The following UGGT2 variants were observed in gnomAD, a reference collection of about 807,000 sequenced individuals.
UGGT2 encodes UDP-glucose glycoprotein glucosyltransferase 2, also known as UDP-glucose:glycoprotein glucosyltransferase 2.
In UGGT2, 180 loss-of-function variants were observed where a neutral mutation model predicts 192.1. The ratio of observed to expected loss-of-function variants is 0.94; its 90% confidence interval spans 0.83 to 1.06. The LOEUF is 1.06. Among genes scored for constraint, UGGT2 ranks in the 50% least tolerant of loss-of-function variants. The pLI, the probability that UGGT2 is intolerant of heterozygous loss-of-function variation, is 0.00. For missense variants in UGGT2, 1,849 were observed against 1,795.7 expected (o/e 1.03, Z -0.54); for synonymous variants, 580 against 591.0 (o/e 0.98, Z 0.27).
At chr13:96,043,925 AATACT>A (rs2053234571) in intron 1 of UGGT2, among the ~76,000 whole-genome samples, 1 of 152,194 alleles carries the variant, frequency 6.6e-6, no homozygotes, top group Non-Finnish European at 1.5e-5. Context: ...TGGAGACTTC[AATACT>A]GCACTGATAG....
intron 4 of UGGT2, among the ~76,000 whole-genome samples, chr13:96,019,134 G>T (rs868184209): frequency 1.1e-4 from 13 of 121,850 alleles, no homozygotes; most frequent in African/African-American, 2.8e-4. Flanking sequence ...GGGGGGGGGG[G>T]GGGGAATGTT....
intron 34 of UGGT2, among the ~76,000 whole-genome samples, chr13:95,855,705 G>C (rs576000785): frequency 1.5e-3 from 233 of 152,150 alleles, no homozygotes; most frequent in Non-Finnish European, 2.8e-3. Context: ...TTTTCCTTAA[G>C]AGATAGAGTG....
intron 15 of UGGT2, among the ~76,000 whole-genome samples, chr13:95,946,292 A>G (rs982702245): frequency 3.9e-5 from 6 of 152,198 alleles, no homozygotes; most frequent in African/African-American, 1.4e-4. Context: ...TTTGCTGTCA[A>G]TAAATGACTT....
intron 1 of UGGT2, among the ~76,000 whole-genome samples, chr13:96,042,971 C>T (rs1360165645): frequency 1.3e-5 from 2 of 152,128 alleles, no homozygotes; most frequent in South Asian, 2.1e-4. Flanking sequence ...CTTCCCCACC[C>T]TTTCTAGAGA....
Position 95,867,356 on chromosome 13 carries a change from T to A in UGGT2, c.3541A>T (p.Lys1181Ter). 1 of 1,608,496 alleles carries A rather than the reference T, an allele frequency of 6.2e-7. No homozygotes were observed. The highest frequency in any genetic ancestry group is 8.5e-7 in the Non-Finnish European group (1 of 1,177,970). ...CCACATACTTTTACTTTGAGTATCT[T>A]GCTTTTGAAGCTGTTTAATACAACA... Reference protein sequence around the residue: ...IIVVLNSFKSKILKVKVKKET... With the variant: ...IIVVLNSFKS Residue 1181 changes from lysine (K) to a stop codon, truncating the protein, a stop_gained, in exon 30 of 39, where the codon AAG becomes TAG. Transcript: ENST00000376747. LOFTEE classifies it high-confidence loss of function.
intron 38 of UGGT2, among the ~76,000 whole-genome samples, chr13:95,821,027 T>C (rs975126748): frequency 2.0e-5 from 3 of 152,188 alleles, no homozygotes; most frequent in Admixed American, 6.6e-5. Flanking sequence ...TTCTTTGCAA[T>C]TGTGAAATGT....
chr13:95,881,042 C>T (rs1047312441), intron 27 of UGGT2, among the ~76,000 whole-genome samples: 10 of 152,046 alleles, frequency 6.6e-5, no homozygotes, highest in Admixed American at 4.6e-4. Flanking sequence ...GGCGTGGCAG[C>T]GGGCGCCTGC....
chr13:95,952,484 C>T (rs200614265), intron 12 of UGGT2, among the ~76,000 whole-genome samples: 2 of 152,140 alleles, frequency 1.3e-5, no homozygotes, highest in East Asian at 1.9e-4. Flanking sequence ...CTAGATTACA[C>T]GTAATGCCTA....
chr13:95,864,947 A>G (rs1045739458), intron 30 of UGGT2, among the ~76,000 whole-genome samples: 5 of 152,366 alleles, frequency 3.3e-5, no homozygotes, highest in African/African-American at 1.2e-4. Context: ...TAGATACAGA[A>G]TCTTGGGTTC....
intron 36 of UGGT2, among the ~76,000 whole-genome samples, chr13:95,841,133 G>A (rs1229084464): frequency 3.9e-5 from 6 of 152,072 alleles, no homozygotes; most frequent in Admixed American, 3.9e-4. Flanking sequence ...AGGTTGATAG[G>A]TGCAGCAAAC....
At chr13:95,919,654 T>G (rs188413773) in intron 20 of UGGT2, among the ~76,000 whole-genome samples, 1 of 152,014 alleles carries the variant, frequency 6.6e-6, no homozygotes, top group Admixed American at 6.6e-5. Flanking sequence ...AAGGGAAGTA[T>G]AGAATCTCTT....
intron 20 of UGGT2, among the ~76,000 whole-genome samples, chr13:95,920,338 G>A (rs1254384136): frequency 6.6e-6 from 1 of 152,012 alleles, no homozygotes; most frequent in Non-Finnish European, 1.5e-5. Context: ...AGCAAAAATT[G>A]GCAAATGGGA....
At chr13:95,918,759 GA>G (rs1280144200) in intron 20 of UGGT2, among the ~76,000 whole-genome samples, 2 of 152,082 alleles carry the variant, frequency 1.3e-5, no homozygotes, top group African/African-American at 4.8e-5. Flanking sequence ...AAAAGCCTAG[GA>G]CCAGATGGAT....
In UGGT2 at chr13:95,854,426, G is replaced by A. The variant is rs1236465633; in HGVS notation, c.4058C>T (p.Ala1353Val). Residue 1353 changes from alanine to valine, a missense_variant, in exon 35 of 39, where the codon GCT becomes GTT. By Grantham distance (64) the Ala-to-Val change is moderately conservative (BLOSUM62 0). Coordinates refer to ENST00000376747, the MANE Select transcript of UGGT2 (RefSeq NM_020121.4). The stretch of plus-strand genomic sequence containing the variant: ...ACAAAATGGAGTATACCCATAAGGA[G>A]CTCCATCCAGATCGAAATCTCGAAG... ...KELRDFDLDG[A>V]PYGYTPFCDS... 3.7e-6 allele frequency: 6 copies of A among 1,611,898 alleles called. No individual in the cohort carries two copies. Among genetic ancestry groups the A allele is most frequent in the Non-Finnish European group, 5.1e-6 (6 of 1,179,314 alleles).
In UGGT2 at chr13:95,890,837, T is replaced by C. The variant is rs757991865; in HGVS notation, c.2958+25A>G. ...AATTATGAATTTAAAAACAAAAACATTTAGTCTAATTTATATTATCTTACA... is the reference window on the plus strand; with the variant it reads ...AATTATGAATTTAAAAACAAAAACACTTAGTCTAATTTATATTATCTTACA... On this transcript the variant is annotated intron_variant, in intron 25 of 38. Transcript: ENST00000376747. 12 of 1,556,002 alleles carry C rather than the reference T, an allele frequency of 7.7e-6. No homozygotes were observed. In the East Asian group the frequency reaches 1.4e-4, roughly 18 times the overall value.
rs180885627 is a variant in UGGT2, at chr13:95,931,661, C to T, written c.1978-4325G>A. The stretch of plus-strand genomic sequence containing the variant: ...ATTCGAGCACAGTGCTGGCCCAGCG[C>T]ACCCTCTGTAGCTGCTGGCCCGGGT... On this transcript the variant is annotated intron_variant, in intron 17 of 38. Coordinates refer to ENST00000376747, the MANE Select transcript of UGGT2 (RefSeq NM_020121.4). 3.2e-4 allele frequency among the ~76,000 whole-genome samples: 49 copies of T among 152,236 alleles called. No individual in the cohort carries two copies. The East Asian group carries it at 6.2e-3, about 19-fold the overall frequency.
At chr13:96,005,801 G>A (rs902183035) in intron 5 of UGGT2, among the ~76,000 whole-genome samples, 4 of 152,116 alleles carry the variant, frequency 2.6e-5, no homozygotes, top group South Asian at 2.1e-4. Flanking sequence ...TAAAGATAAC[G>A]CTGAAATACA....
chr13:96,006,550 G>T (rs2051981412), intron 5 of UGGT2, among the ~76,000 whole-genome samples: 1 of 150,916 alleles, frequency 6.6e-6, no homozygotes, highest in South Asian at 2.1e-4. Flanking sequence ...CTTGAACCCA[G>T]GAGGCGGAGG....
At position 95,900,954 on chromosome 13, in the gene UGGT2, A is replaced by C. The variant is rs1310617391; in HGVS notation, c.2503-16T>G. On this transcript the variant is annotated splice_polypyrimidine_tract_variant and intron_variant, in intron 21 of 38. Coordinates refer to ENST00000376747, the MANE Select transcript of UGGT2 (RefSeq NM_020121.4). ...TATCCATCCCCTAAAGCAAAAGTTA[A>C]GACTGATGAAACTAATATGAGAACA... 6.5e-7 allele frequency: 1 copy of C among 1,534,704 alleles called. No individual in the cohort carries two copies. Among genetic ancestry groups the C allele is most frequent in the African/African-American group, 1.4e-5 (1 of 72,528 alleles).
Sources: allele counts gnomAD v4.1 joint callset (sites outside exome capture counted in the v4.1 genomes callset), GRCh38; gene constraint gnomAD v4.1.1; transcripts MANE v1.5; gene names NCBI Gene and HGNC (gene_info 2026-07-23, HGNC 2026-07-21).